The following RAB27B variants were observed in gnomAD, a reference collection of about 807,000 sequenced individuals.
RAB27B encodes ras-related protein Rab-27B.
Under a neutral mutation model 24.6 loss-of-function variants are expected in RAB27B, and 15 were observed. The ratio of observed to expected loss-of-function variants is 0.61; its 90% CI spans 0.41 to 0.94. RAB27B has a LOEUF of 0.94. RAB27B is among the 40% of genes least tolerant of loss of function. RAB27B has a pLI of 0.00. For synonymous variants in RAB27B, 105 were observed against 92.5 expected (o/e 1.14, Z -0.78); for missense variants, 261 against 266.8 (o/e 0.98, Z 0.15).
intron 2 of RAB27B, among the ~76,000 whole-genome samples, chr18:54,757,618 T>C (rs1341508222): frequency 6.6e-6 from 1 of 152,152 alleles, no homozygotes; most frequent in East Asian, 1.9e-4. Context: ...CAAATTTGTA[T>C]AAATTATAAA....
chr18:54,789,264 C>T (rs1909179601), intron 2 of RAB27B, among the ~76,000 whole-genome samples: 1 of 152,100 alleles, frequency 6.6e-6, no homozygotes, highest in Admixed American at 6.5e-5. Flanking sequence ...TTTCTGTATT[C>T]ATACCATTGG....
intron 1 of RAB27B, among the ~76,000 whole-genome samples, chr18:54,841,155 G>A (rs1598949026): frequency 3.0e-5 from 1 of 33,898 alleles, no homozygotes; most frequent in Non-Finnish European, 1.0e-4. Flanking sequence ...TTTGGGTGGC[G>A]GGGCGGTGGG....
chr18:54,793,668 G>A (rs992619371), intron 2 of RAB27B, among the ~76,000 whole-genome samples: 15 of 152,156 alleles, frequency 9.9e-5, no homozygotes, highest in African/African-American at 2.7e-4. Flanking sequence ...AGTCTTCCTC[G>A]TGTTGCATGT....
chr18:54,788,549 T>A (rs2145106120), intron 2 of RAB27B, among the ~76,000 whole-genome samples: 1 of 152,302 alleles, frequency 6.6e-6, no homozygotes, highest in Non-Finnish European at 1.5e-5. Flanking sequence ...GTGCTCCTCC[T>A]GCCTTGGCCT....
chr18:54,724,010 A>ATAATAAACAATAACC (rs1335155863), intron 2 of RAB27B, among the ~76,000 whole-genome samples: 1 of 151,956 alleles, frequency 6.6e-6, no homozygotes, highest in Non-Finnish European at 1.5e-5. Context: ...TAGTGGCCAA[A>ATAATAAACAATAACC]ATGTGTGCTC....
intron 1 of RAB27B, among the ~76,000 whole-genome samples, chr18:54,850,333 GAT>G (rs35735191): frequency 0.43 from 41,148 of 95,080 alleles, 10,287 homozygotes; most frequent in East Asian, 0.72. Flanking sequence ...AAACAAACAG[GAT>G]ATATATATAT....
In RAB27B at chr18:54,888,066, GA is replaced by G; in HGVS notation, c.416del (p.Asp139ValfsTer36). ...VLIGNKADLP[D>X]QREVNERQAR... The stretch of plus-strand genomic sequence containing the variant: ...AATTGGCAACAAGGCAGACCTACCA[GA>G]TCAGAGGGAAGTCAATGAACGGCAA... On this transcript the variant is annotated frameshift_variant, in exon 5 of 6. Coordinates refer to ENST00000262094, the MANE Select transcript of RAB27B (RefSeq NM_004163.4). LOFTEE classifies it high-confidence loss of function. 6.2e-7 allele frequency: 1 copy of G among 1,613,214 alleles called. No homozygotes were observed. Among genetic ancestry groups the G allele is most frequent in the Non-Finnish European group, 8.5e-7 (1 of 1,179,416 alleles).
At chr18:54,748,837 G>A in intron 2 of RAB27B, among the ~76,000 whole-genome samples, 1 of 152,188 alleles carries the variant, frequency 6.6e-6, no homozygotes, top group East Asian at 1.9e-4. Flanking sequence ...CATACCCAAA[G>A]TATGAAACTC....
upstream of RAB27B, among the ~76,000 whole-genome samples, chr18:54,826,212 T>C (rs1819884): frequency 0.95 from 145,136 of 152,312 alleles, 69,583 homozygotes; most frequent in East Asian, 1. Flanking sequence ...CAGTGCCATA[T>C]TGATTGAATT....
At chr18:54,770,559 G>A (rs1303248885) in intron 2 of RAB27B, among the ~76,000 whole-genome samples, 1 of 151,964 alleles carries the variant, frequency 6.6e-6, no homozygotes, top group African/African-American at 2.4e-5. Flanking sequence ...CTAGTGCAAT[G>A]TAATAATAAT....
intron 1 of RAB27B, among the ~76,000 whole-genome samples, chr18:54,866,927 C>T (rs745508353): frequency 6.6e-6 from 1 of 151,986 alleles, no homozygotes; most frequent in African/African-American, 2.4e-5. Flanking sequence ...AGGGAGGGTG[C>T]GATGAGTCAG....
rs139981279 is a variant in RAB27B, at chr18:54,787,162, G to T, written c.-20+69021G>T. On this transcript the variant is annotated intron_variant, in intron 2 of 4. Coordinates refer to the RAB27B transcript ENST00000586570. ...CCCATATCTTGGCTCAGTTCTCCGAGGTTGGCTCCATGGACAGGCAGTTTC... is the reference window on the plus strand; with the variant it reads ...CCCATATCTTGGCTCAGTTCTCCGATGTTGGCTCCATGGACAGGCAGTTTC... Among the ~76,000 whole-genome samples the T allele has an allele frequency of 9.2e-5, 14 of 152,310 alleles. No homozygotes were observed. The East Asian group carries it at 2.7e-3, about 29-fold the overall frequency.
chr18:54,766,075 A>G (rs907564596), intron 2 of RAB27B, among the ~76,000 whole-genome samples: 2 of 152,212 alleles, frequency 1.3e-5, no homozygotes, highest in Admixed American at 1.3e-4. Flanking sequence ...TGAATGGTCA[A>G]CAATCACACG....
rs190798610 is a variant in RAB27B at position 54,819,552 on chromosome 18, A to G, written c.-19-58015A>G. On this transcript the variant is annotated intron_variant, in intron 2 of 4. Coordinates refer to the RAB27B transcript ENST00000586570. ...ATCTCAAAAAAAAAAAAAAAAGAAA[A>G]AAAAAAGAATAGATCATGTTCCACA... is the stretch of plus-strand genomic sequence containing the variant. Among the ~76,000 whole-genome samples, 1,480 of 149,830 alleles carry G rather than the reference A, an allele frequency of 9.9e-3. 14 individuals carry two copies. Among genetic ancestry groups the G allele is most frequent in the Non-Finnish European group, 0.013 (870 of 67,498 alleles).
At chr18:54,747,120 T>G (rs898680071) in intron 2 of RAB27B, among the ~76,000 whole-genome samples, 2 of 152,180 alleles carry the variant, frequency 1.3e-5, no homozygotes, top group Admixed American at 1.3e-4. Flanking sequence ...TTTGGCTTTG[T>G]TACACCCCAG....
Position 54,833,234 on chromosome 18 carries a change from CT to C in RAB27B, c.-20+4548del, listed in dbSNP as rs559070445. Among the ~76,000 whole-genome samples, 207 of 129,478 alleles carry C rather than the reference CT, an allele frequency of 1.6e-3. 1 individual carries two copies. Among genetic ancestry groups the C allele is most frequent in the African/African-American group, 4.7e-3 (164 of 34,700 alleles). The allele number at this position is 129,478 out of a possible 152,430, so 84.9% of individuals were successfully genotyped here. On this transcript the variant is annotated intron_variant, in intron 1 of 5. Coordinates refer to ENST00000262094, the MANE Select transcript of RAB27B (RefSeq NM_004163.4). Reference sequence around the variant, plus strand: ...CTTTCTTTTCTTTTTTTCTTTCTTTCTTTTTTTTTTTTTTGAGATGGAGTTT... The same window carrying C: ...CTTTCTTTTCTTTTTTTCTTTCTTTCTTTTTTTTTTTTTGAGATGGAGTTT...
chr18:54,781,181 C>G (rs1049398790), intron 2 of RAB27B, among the ~76,000 whole-genome samples: 2 of 152,068 alleles, frequency 1.3e-5, no homozygotes, highest in Non-Finnish European at 2.9e-5. Flanking sequence ...CTCAGCCACT[C>G]CATGCTGCTA....
intron 2 of RAB27B, among the ~76,000 whole-genome samples, chr18:54,878,630 C>A (rs755452066): frequency 1.6e-4 from 24 of 152,114 alleles, no homozygotes; most frequent in Non-Finnish European, 2.9e-4. Context: ...TCTCTCCTTT[C>A]CAGTATCTGG....
At chr18:54,851,126 A>G (rs145366164) in intron 1 of RAB27B, among the ~76,000 whole-genome samples, 29 of 152,336 alleles carry the variant, frequency 1.9e-4, no homozygotes, top group African/African-American at 5.5e-4. Context: ...TATTCTATAT[A>G]TATCTACACT....
Sources: gnomAD v4.1 joint callset for allele counts (sites outside exome capture counted in the v4.1 genomes callset) on GRCh38, gnomAD v4.1.1 for gene constraint, MANE v1.5 for transcripts, NCBI Gene and HGNC (gene_info 2026-07-23, HGNC 2026-07-21) for gene names.